The following VWA2 variants were observed in gnomAD, a reference collection of about 807,000 sequenced individuals.
The protein encoded by VWA2 is von Willebrand factor A domain containing 2.
A neutral mutation model predicts 70.4 loss-of-function variants in VWA2; 73 were observed. That is an observed-to-expected ratio of 1.04 (90% CI 0.86 to 1.26). The LOEUF is 1.26. VWA2 is among the 50% of genes most tolerant of loss of function. The probability of loss-of-function intolerance (pLI) is 0.00; values close to 1 mark genes in which losing one functional copy is unlikely to be tolerated. For missense variants in VWA2, 1,011 were observed against 998.5 expected (o/e 1.01, Z -0.17); for synonymous variants, 407 against 423.3 (o/e 0.96, Z 0.47).
intron 1 of VWA2, among the ~76,000 whole-genome samples, 173 bp downstream of exon 1, chr10:114,239,742 G>A (rs934554501): frequency 1.3e-5 from 2 of 152,204 alleles, no homozygotes; most frequent in African/African-American, 4.8e-5. Context: ...TTGTCTGCGC[G>A]CACCTGAGCG....
intron 1 of VWA2, among the ~76,000 whole-genome samples, chr10:114,243,554 A>C (rs2037010892): frequency 6.6e-6 from 1 of 152,148 alleles, no homozygotes; most frequent in Non-Finnish European, 1.5e-5. Flanking sequence ...AAGGGCTCAG[A>C]TTTCCATCCT....
Position 114,289,347 on chromosome 10 carries a change from C to T in VWA2, c.1980C>T (p.Ile660=), listed in dbSNP as rs546048022. Residue 660 remains isoleucine (I), a synonymous_variant, in exon 12 of 14, where the codon ATC becomes ATT. Transcript: ENST00000392982. ...CCCAGAAGCTGAGGAACAATGGCAT[C>T]TCTGTCTTGGTCGTGGGCGTGGGGC... ...VPAQKLRNNG[I]SVLVVGVGPV... 6.3e-5 allele frequency: 101 copies of T among 1,614,250 alleles called. 1 individual carries two copies. The South Asian group carries it at 1.1e-3, about 17-fold the overall frequency.
intron 8 of VWA2, chr10:114,281,867 G>T: frequency 2.1e-6 from 1 of 484,230 alleles, no homozygotes; most frequent in Non-Finnish European, 2.7e-6. Context: ...TGGTCACACA[G>T]CCAAAATCCA....
At position 114,293,432 on chromosome 10, in the gene VWA2, T is replaced by C. The variant is rs2039784040; in HGVS notation, c.*2195T>C. ...GCAAACTGTGGGCTCTCGACTTACATAGTAAGGGCCTTTACTGTTTCTTTG... is the reference window on the plus strand; with the variant it reads ...GCAAACTGTGGGCTCTCGACTTACACAGTAAGGGCCTTTACTGTTTCTTTG... On this transcript the variant is annotated 3_prime_UTR_variant, in exon 14 of 14. Coordinates refer to ENST00000392982, the MANE Select transcript of VWA2 (RefSeq NM_001272046.2). 6.6e-6 allele frequency among the ~76,000 whole-genome samples: 1 copy of C among 152,222 alleles called. No individual in the cohort carries two copies. The highest frequency in any genetic ancestry group is 1.5e-5 in the Non-Finnish European group (1 of 68,044).
intron 1 of VWA2, chr10:114,246,857 G>A: frequency 2.8e-6 from 2 of 713,468 alleles, no homozygotes; most frequent in East Asian, 5.3e-5. Context: ...TGAGCACCTG[G>A]CAATGCCTGA....
chr10:114,270,212 G>A (rs1375999926), intron 5 of VWA2, among the ~76,000 whole-genome samples: 1 of 152,136 alleles, frequency 6.6e-6, no homozygotes, highest in East Asian at 1.9e-4. Flanking sequence ...TGAGAGTCAG[G>A]TGCCTTCACA....
chr10:114,246,276 G>A (rs1267441129), intron 1 of VWA2: 14 of 664,568 alleles, frequency 2.1e-5, no homozygotes, highest in African/African-American at 1.4e-4. Context: ...CGAGGCGGTC[G>A]TATCACCTGA....
chr10:114,248,720 C>T lies in VWA2; in HGVS notation c.7C>T (p.Pro3Ser). 1 of 1,613,554 alleles carries T rather than the reference C, an allele frequency of 6.2e-7. No homozygotes were observed. Among genetic ancestry groups the T allele is most frequent in the Non-Finnish European group, 8.5e-7 (1 of 1,179,538 alleles). The change falls in exon 2 of 14, where the codon CCT (proline) becomes TCT (serine). Residue 3 changes from proline (P) to serine (S), a missense_variant. Transcript: ENST00000392982. ...TCCCTGTAGTTATATCAACATGCCC[C>T]CTTTCCTGTTGCTGGAAGCCGTCTG... is the stretch of plus-strand genomic sequence containing the variant. MP[P>S]FLLLEAVCVF...
At position 114,291,381 on chromosome 10, in the gene VWA2, C is replaced by T; in HGVS notation, c.*144C>T. The T allele has an allele frequency of 1.0e-6, 1 of 961,912 alleles. No individual in the cohort carries two copies. Among genetic ancestry groups the T allele is most frequent in the Non-Finnish European group, 1.5e-6 (1 of 670,770 alleles). The allele number at this position is 961,912 out of a possible 1,614,324, so 59.6% of individuals were successfully genotyped here. On this transcript the variant is annotated 3_prime_UTR_variant, in exon 14 of 14. Coordinates refer to ENST00000392982, the MANE Select transcript of VWA2 (RefSeq NM_001272046.2). ...TGTCTGCTTCCCGCCGTGGCCAGGA[C>T]CACTATTCTCACTGAGGGAGGAGGA...
At chr10:114,273,051 G>C (rs758097033) in intron 6 of VWA2, 117 bp downstream of exon 6, 1 of 813,362 alleles carries the variant, frequency 1.2e-6, no homozygotes, top group African/African-American at 1.8e-5. Context: ...CCCTGGATCT[G>C]TCTTTTCCTC....
rs2037498886 is a variant in VWA2 at position 114,263,761 on chromosome 10, C to T, written c.371+2466C>T. Reference sequence around the variant, plus strand: ...ATAAAGTTAACACATTTAATGTGTACAATTCAATAGTTTTGAATATATTTA... The same window carrying T: ...ATAAAGTTAACACATTTAATGTGTATAATTCAATAGTTTTGAATATATTTA... On this transcript the variant is annotated intron_variant, in intron 5 of 13. Coordinates refer to ENST00000392982, the MANE Select transcript of VWA2 (RefSeq NM_001272046.2). 2.6e-5 allele frequency among the ~76,000 whole-genome samples: 4 copies of T among 152,278 alleles called. No individual in the cohort carries two copies. The South Asian group carries it at 8.3e-4, about 32-fold the overall frequency.
chr10:114,275,567 C>T (rs1171195793), intron 6 of VWA2, among the ~76,000 whole-genome samples: 2 of 125,192 alleles, frequency 1.6e-5, no homozygotes, highest in Admixed American at 1.6e-4. Flanking sequence ...TCAAACTGGA[C>T]CAGTATTTTG....
chr10:114,279,904 G>A (rs2133388553), intron 8 of VWA2, among the ~76,000 whole-genome samples: 1 of 152,342 alleles, frequency 6.6e-6, no homozygotes, highest in South Asian at 2.1e-4. Flanking sequence ...TGCTCGAGCA[G>A]TTTTGCAAGA....
chr10:114,276,750 C>A (rs2037853301), intron 6 of VWA2, among the ~76,000 whole-genome samples: 4 of 141,366 alleles, frequency 2.8e-5, no homozygotes, highest in Admixed American at 2.3e-4. Context: ...AACTCCTAAG[C>A]TTGAGGGATT....
intron 1 of VWA2, among the ~76,000 whole-genome samples, chr10:114,240,485 A>AC (rs1175464413): frequency 6.6e-6 from 1 of 152,210 alleles, no homozygotes; most frequent in East Asian, 1.9e-4. Context: ...CATGTGTTTG[A>AC]TGTCTTGGAG....
intron 8 of VWA2, among the ~76,000 whole-genome samples, chr10:114,280,080 G>A (rs1015994888): frequency 2.6e-5 from 4 of 152,204 alleles, no homozygotes; most frequent in African/African-American, 7.2e-5. Context: ...ACCACTGCAT[G>A]TTTCTATGTT....
In VWA2 at chr10:114,286,272, G is replaced by A. The variant is rs750643752; in HGVS notation, c.1331G>A (p.Arg444Gln). Residue 444 changes from arginine (R) to glutamine (Q), a missense_variant, in exon 11 of 14, where the codon CGG (arginine) becomes CAG (glutamine). Physicochemically the swap from Arg to Gln is conservative, Grantham distance 43. Transcript: ENST00000392982. ...AGCGCCACCAGGACAGGCCAGGACC[G>A]GCCACGTAGAGTGGTGGTTTTGCTC... ...FGSATRTGQDRPRRVVVLLTE... is the reference protein window; with the variant it reads ...FGSATRTGQDQPRRVVVLLTE... 5.6e-6 allele frequency: 9 copies of A among 1,610,826 alleles called. No individual in the cohort carries two copies. Among genetic ancestry groups the A allele is most frequent in the Admixed American group, 1.7e-5 (1 of 59,846 alleles).
In VWA2 at chr10:114,278,045, C is replaced by T. The variant is rs2037891642; in HGVS notation, c.698C>T (p.Pro233Leu). 1 of 1,609,204 alleles carries T rather than the reference C, an allele frequency of 6.2e-7. No homozygotes were observed. The highest frequency in any genetic ancestry group is 8.5e-7 in the Non-Finnish European group (1 of 1,176,470). The change falls in exon 7 of 14, where the codon CCA becomes CTA. Residue 233 changes from proline to leucine, a missense_variant and splice_region_variant. Coordinates refer to ENST00000392982, the MANE Select transcript of VWA2 (RefSeq NM_001272046.2). ...TCGGCCATCTGCTCCAGCGCCACGC[C>T]AGGTAAGATCTTCCAGCCTGGAGGG... ...SSSAICSSAT[P>L]DCRVEAHPCE...
At chr10:114,241,634 C>T (rs2036975876) in intron 1 of VWA2, among the ~76,000 whole-genome samples, 2 of 152,104 alleles carry the variant, frequency 1.3e-5, no homozygotes, top group South Asian at 2.1e-4. Flanking sequence ...GTGCATCTTA[C>T]AAAGCATTGT....
Sources: allele counts gnomAD v4.1 joint callset (sites outside exome capture counted in the v4.1 genomes callset), GRCh38; gene constraint gnomAD v4.1.1; transcripts MANE v1.5; gene names NCBI Gene and HGNC (gene_info 2026-07-23, HGNC 2026-07-21).